SYNRG: variants seen among roughly 807,000 people sequenced by gnomAD.
SYNRG encodes synergin gamma.
A neutral mutation model predicts 130.9 loss-of-function variants in SYNRG; 37 were observed. That is an observed-to-expected ratio of 0.28 (90% CI 0.22 to 0.37). The LOEUF (loss-of-function observed/expected upper bound fraction) is 0.37, where lower values mean the gene tolerates loss of function less well. SYNRG is among the 10% of genes least tolerant of loss of function. SYNRG has a pLI of 1.00. For missense variants in SYNRG, 1,338 were observed against 1,588.9 expected (o/e 0.84, Z 2.68); for synonymous variants, 539 against 568.1 (o/e 0.95, Z 0.73).
At position 37,577,431 on chromosome 17, in the gene SYNRG, T is replaced by C. The variant is rs752896468; in HGVS notation, c.772A>G (p.Thr258Ala). Residue 258 changes from threonine to alanine, a missense_variant, in exon 7 of 22, where the codon ACT (threonine) becomes GCT (alanine). Physicochemically the swap from Thr to Ala is moderately conservative, Grantham distance 58. This residue lies in a region of SYNRG where 1,146 missense variants were observed against 1,342.3 expected (regional missense o/e 0.85). Coordinates refer to ENST00000612223, the MANE Select transcript of SYNRG (RefSeq NM_007247.6). ...TCTGAAGTATTTTCTGCCTCTGCAG[T>C]GGTGGTACCACTTACACATCCATCT... ...AVDGCVSGTT[T>A]AEAENTSDQN... 2.5e-6 allele frequency: 4 copies of C among 1,614,104 alleles called. No homozygotes were observed. The highest frequency in any genetic ancestry group is 3.3e-5 in the Admixed American group (2 of 59,990).
chr17:37,571,938 A>G lies in SYNRG; in HGVS notation c.951T>C (p.Asp317=). The change falls in exon 9 of 22, where the codon GAT becomes GAC. Residue 317 remains aspartate (D), a synonymous_variant. Coordinates refer to ENST00000612223, the MANE Select transcript of SYNRG (RefSeq NM_007247.6). The stretch of plus-strand genomic sequence containing the variant: ...TCAGAATGGGATACAGTTTGGCAGT[A>G]TCTATTCCAGTTGGAGTCATTGTGG... The part of the protein sequence containing the change: ...LETTMTPTGI[D]TAKLYPILMS... 1 of 1,614,148 alleles carries G rather than the reference A, an allele frequency of 6.2e-7. No individual in the cohort carries two copies. The highest frequency in any genetic ancestry group is 8.5e-7 in the Non-Finnish European group (1 of 1,180,014).
intron 13 of SYNRG, among the ~76,000 whole-genome samples, chr17:37,556,204 C>T (rs1036124225): frequency 1.3e-5 from 2 of 152,084 alleles, no homozygotes; most frequent in African/African-American, 4.8e-5. Context: ...AATCCCTGCA[C>T]TTTGGAAGGC....
At chr17:37,572,548 A>G (rs757707686) in intron 8 of SYNRG, among the ~76,000 whole-genome samples, 8 of 152,264 alleles carry the variant, frequency 5.3e-5, no homozygotes, top group Non-Finnish European at 1.0e-4. Context: ...ACAAAGTCTT[A>G]TAATTCAGTA....
intron 6 of SYNRG, chr17:37,579,147 T>C (rs1416619071): frequency 1.7e-6 from 2 of 1,185,754 alleles, no homozygotes; most frequent in South Asian, 3.3e-5. Flanking sequence ...TCTGGTACAC[T>C]GTGTGAGGCT....
At chr17:37,572,015 T>A (rs758193887) in intron 8 of SYNRG, 28 bp from the exon 9 acceptor site, 1 of 1,567,120 alleles carries the variant, frequency 6.4e-7, no homozygotes, top group Non-Finnish European at 8.7e-7. Flanking sequence ...AGATTACAAA[T>A]GGAAACACAT....
intron 5 of SYNRG, among the ~76,000 whole-genome samples, chr17:37,585,094 T>TA (rs2061594819): frequency 6.6e-6 from 1 of 152,246 alleles, no homozygotes; most frequent in African/African-American, 2.4e-5. Flanking sequence ...GCCATGATAC[T>TA]AAAAAAGAGC....
intron 8 of SYNRG, among the ~76,000 whole-genome samples, chr17:37,574,472 G>A (rs916561244): frequency 6.6e-6 from 1 of 152,094 alleles, no homozygotes; most frequent in Non-Finnish European, 1.5e-5. Context: ...ACAACCCACA[G>A]AACGGGAGAA....
chr17:37,544,197 A>C (rs2058049486), intron 14 of SYNRG, among the ~76,000 whole-genome samples: 1 of 151,260 alleles, frequency 6.6e-6, no homozygotes, highest in Non-Finnish European at 1.5e-5. Flanking sequence ...ACCAGCAAAA[A>C]GCAAACAGCT....
intron 3 of SYNRG, among the ~76,000 whole-genome samples, chr17:37,592,477 C>T (rs2062282785): frequency 1.3e-5 from 2 of 151,922 alleles, no homozygotes; most frequent in African/African-American, 2.4e-5. Flanking sequence ...TATGTTCACG[C>T]AAAAACCTTT....
intron 3 of SYNRG, among the ~76,000 whole-genome samples, chr17:37,594,065 A>T (rs1485394224): frequency 6.6e-6 from 1 of 151,590 alleles, no homozygotes; most frequent in African/African-American, 2.4e-5. Flanking sequence ...ATTGTTCTGC[A>T]TATTAGAGAC....
chr17:37,585,144 AGT>A (rs1463257012), intron 5 of SYNRG, among the ~76,000 whole-genome samples, 179 bp downstream of exon 5: 1 of 152,248 alleles, frequency 6.6e-6, no homozygotes, highest in African/African-American at 2.4e-5. Context: ...CATTGACAGC[AGT>A]GTATCTTTAC....
chr17:37,532,532 G>C (rs1035346548), intron 19 of SYNRG, among the ~76,000 whole-genome samples: 1 of 152,042 alleles, frequency 6.6e-6, no homozygotes, highest in South Asian at 2.1e-4. Context: ...AACTAGCTGG[G>C]CGTGGTGGCA....
rs1440334666 is a variant in SYNRG, at chr17:37,561,194, C to T, written c.1663+1G>A. ...ATCCTTTTGAGGACTCAAAAACTTA[C>T]CTAAAGGTTTATTCTCTGCTGTCTG... On this transcript the variant is annotated splice_donor_variant, in intron 13 of 21. Transcript: ENST00000612223. LOFTEE classifies it high-confidence loss of function. 3 of 1,611,708 alleles carry T rather than the reference C, an allele frequency of 1.9e-6. No individual in the cohort carries two copies. Among genetic ancestry groups the T allele is most frequent in the Non-Finnish European group, 2.5e-6 (3 of 1,179,348 alleles).
rs2057149791 is a variant in SYNRG at position 37,535,969 on chromosome 17, A to G, written c.3666+10T>C. 4 of 1,613,378 alleles carry G rather than the reference A, an allele frequency of 2.5e-6. No homozygotes were observed. The African/African-American group carries it at 5.3e-5, about 22-fold the overall frequency. On this transcript the variant is annotated intron_variant, in intron 19 of 21. Transcript: ENST00000612223. ...AGGAAAGCAACTGCTGAGTTGTCTC[A>G]TGGGCTTACTGTGAGTGTGGCGAGT...
intron 11 of SYNRG, among the ~76,000 whole-genome samples, chr17:37,563,211 G>A (rs769497245): frequency 1.7e-4 from 26 of 152,206 alleles, no homozygotes; most frequent in Non-Finnish European, 2.4e-4. Flanking sequence ...GTCATCAACC[G>A]CTCCAAACAT....
chr17:37,544,400 C>T (rs2058076705), intron 14 of SYNRG, among the ~76,000 whole-genome samples: 1 of 151,810 alleles, frequency 6.6e-6, no homozygotes, highest in Admixed American at 6.6e-5. Flanking sequence ...CTACAACCTC[C>T]GCCTCCTGGG....
intron 18 of SYNRG, 118 bp from the exon 19 acceptor site, chr17:37,536,245 G>T: frequency 1.6e-6 from 2 of 1,216,188 alleles, no homozygotes; most frequent in Non-Finnish European, 2.2e-6. Context: ...CTGGACAGAG[G>T]TGTACTTACT....
Position 37,553,682 on chromosome 17 carries a change from C to A in SYNRG, c.2041G>T (p.Gly681Cys). The A allele has an allele frequency of 6.2e-7, 1 of 1,613,850 alleles. No individual in the cohort carries two copies. The highest frequency in any genetic ancestry group is 8.5e-7 in the Non-Finnish European group (1 of 1,179,982). The change falls in exon 14 of 22, where the codon GGT becomes TGT. Residue 681 changes from glycine to cysteine, a missense_variant. Gly to Cys is a radical substitution (Grantham distance 159). Transcript: ENST00000612223. Reference sequence around the variant, plus strand: ...TCCTGCTCCCCAACAGGTGCTAGACCAGAATATTCCCCAAAAAGGCTGAAT... The same window carrying A: ...TCCTGCTCCCCAACAGGTGCTAGACAAGAATATTCCCCAAAAAGGCTGAAT... ...GEFSLFGEYS[G>C]LAPVGEQDDF...
intron 19 of SYNRG, chr17:37,529,830 C>T: frequency 6.4e-7 from 1 of 1,551,508 alleles, no homozygotes; most frequent in Non-Finnish European, 8.7e-7. Context: ...TTTGTAATCA[C>T]AGTCATCTTT....
Sources: allele counts gnomAD v4.1 joint callset (sites outside exome capture counted in the v4.1 genomes callset), GRCh38; gene constraint gnomAD v4.1.1; regional missense constraint gnomAD v4.1.1; transcripts MANE v1.5; gene names NCBI Gene and HGNC (gene_info 2026-07-23, HGNC 2026-07-21).